The following ARB2A variants were observed in gnomAD, a reference collection of about 807,000 sequenced individuals.
The protein encoded by ARB2A is cotranscriptional regulator ARB2A.
the ARB2A span, chr5:93,911,021 T>C: frequency 2.6e-5 from 4 of 151,556 alleles, no homozygotes; most frequent in South Asian, 2.1e-4. Flanking sequence ...CAGCGTTCTC[T>C]AGCTTAACAT....
chr5:94,068,657 G>T, the ARB2A span, among the ~76,000 whole-genome samples: 1 of 151,994 alleles, frequency 6.6e-6, no homozygotes, highest in Non-Finnish European at 1.5e-5. Flanking sequence ...ATTTTAGTGA[G>T]CCCTCTTTAC....
At chr5:93,683,564 C>T in the ARB2A span, 13 of 1,451,576 alleles carry the variant, frequency 9.0e-6, no homozygotes, top group Non-Finnish European at 1.2e-5. Context: ...ATCCTTTGCA[C>T]CAGCCCTAAA....
At chr5:93,960,480 C>T in the ARB2A span, among the ~76,000 whole-genome samples, 1 of 152,150 alleles carries the variant, frequency 6.6e-6, no homozygotes, top group Non-Finnish European at 1.5e-5. Context: ...GCTCCCTCCA[C>T]TAGAACGTAA....
the ARB2A span, among the ~76,000 whole-genome samples, chr5:93,917,865 C>G: frequency 1.3e-5 from 2 of 152,120 alleles, no homozygotes; most frequent in Non-Finnish European, 2.9e-5. Context: ...ATAACAGAGT[C>G]AAACCCTGTC....
chr5:93,879,604 T>C, the ARB2A span, among the ~76,000 whole-genome samples: 4 of 150,024 alleles, frequency 2.7e-5, no homozygotes, highest in East Asian at 3.9e-4. Flanking sequence ...TAAGAAAAAA[T>C]AGATGAGAGG....
At chr5:93,624,514 C>T in the ARB2A span, among the ~76,000 whole-genome samples, 1 of 152,200 alleles carries the variant, frequency 6.6e-6, no homozygotes, top group African/African-American at 2.4e-5. Context: ...GGATAATTCA[C>T]CTTTGGAGTG....
At chr5:93,660,928 T>C in the ARB2A span, among the ~76,000 whole-genome samples, 2 of 152,166 alleles carry the variant, frequency 1.3e-5, no homozygotes, top group Non-Finnish European at 2.9e-5. Context: ...ATAATATCAG[T>C]GTCAGAAGTG....
the ARB2A span, chr5:93,683,789 C>T: frequency 4.5e-6 from 6 of 1,324,122 alleles, no homozygotes; most frequent in Admixed American, 1.7e-5. Context: ...AGAGAACAGC[C>T]GCGCAGGACG....
chr5:93,666,492 A>G, the ARB2A span, among the ~76,000 whole-genome samples: 5 of 151,790 alleles, frequency 3.3e-5, no homozygotes, highest in African/African-American at 1.2e-4. Context: ...GGATCAAAAT[A>G]GTGCTATATC....
chr5:93,999,621 C>T, the ARB2A span, among the ~76,000 whole-genome samples: 27 of 152,046 alleles, frequency 1.8e-4, no homozygotes, highest in Admixed American at 1.2e-3. Flanking sequence ...TATCAACAGC[C>T]TCCTCCAGAG....
chr5:94,044,996 G>A, the ARB2A span, among the ~76,000 whole-genome samples: 4 of 151,136 alleles, frequency 2.6e-5, no homozygotes, highest in African/African-American at 9.7e-5. Context: ...GCGCTTGCCT[G>A]TAATCCCAGC....
the ARB2A span, among the ~76,000 whole-genome samples, chr5:93,780,611 G>A: frequency 6.6e-6 from 1 of 151,188 alleles, no homozygotes; most frequent in Non-Finnish European, 1.5e-5. Flanking sequence ...CCAGGCAGGA[G>A]TGTAATGGCA....
chr5:93,920,104 AATAAACCACTATAGTACACAGTAGT>A, the ARB2A span, among the ~76,000 whole-genome samples: 2 of 152,168 alleles, frequency 1.3e-5, no homozygotes, highest in Non-Finnish European at 2.9e-5. Flanking sequence ...TGAAGAATAA[AATAAACCACTATAGTACACAGTAGT>A]ATAAACCACT....
At chr5:93,954,381 C>A in the ARB2A span, among the ~76,000 whole-genome samples, 3 of 151,864 alleles carry the variant, frequency 2.0e-5, no homozygotes. Context: ...GCAGCGAGTT[C>A]CTCCTAGCCC....
At chr5:94,013,702 A>G in the ARB2A span, among the ~76,000 whole-genome samples, 1 of 152,274 alleles carries the variant, frequency 6.6e-6, no homozygotes, top group East Asian at 1.9e-4. Flanking sequence ...AAGAGACACT[A>G]GGTATCCAGT....
At chr5:93,926,422 C>T in the ARB2A span, among the ~76,000 whole-genome samples, 40 of 152,190 alleles carry the variant, frequency 2.6e-4, no homozygotes, top group South Asian at 8.1e-3. Flanking sequence ...CATGAGCCAC[C>T]GTGCCCGGCC....
chr5:93,735,924 G>C, the ARB2A span: 41,205 of 151,750 alleles, frequency 0.27, 6,989 homozygotes, highest in African/African-American at 0.47. Context: ...ATTCACTGTA[G>C]TGAGTTTGGT....
At chr5:94,045,676 A>C in the ARB2A span, among the ~76,000 whole-genome samples, 1 of 152,328 alleles carries the variant, frequency 6.6e-6, no homozygotes, top group East Asian at 1.9e-4. Flanking sequence ...TTTGTATCAC[A>C]CTATTTATTA....
the ARB2A span, chr5:93,805,210 T>C: frequency 1.0e-6 from 1 of 984,858 alleles, no homozygotes; most frequent in African/African-American, 1.8e-5. Flanking sequence ...GAGAACGGGG[T>C]TGAAATCACT....
Sources: allele counts gnomAD v4.1 joint callset (sites outside exome capture counted in the v4.1 genomes callset), GRCh38; gene constraint gnomAD v4.1.1; transcripts MANE v1.5; gene names NCBI Gene and HGNC (gene_info 2026-07-23, HGNC 2026-07-21).